CFAP221: variants seen among roughly 807,000 people sequenced by gnomAD.
CFAP221 encodes cilia and flagella associated protein 221, also known as cilia- and flagella-associated protein 221.
In CFAP221, 97 loss-of-function variants were observed where a neutral mutation model predicts 113.1. That is an observed-to-expected ratio of 0.86 (90% CI 0.73 to 1.02). The LOEUF is 1.02. CFAP221 is among the 50% of genes least tolerant of loss of function. The probability of loss-of-function intolerance (pLI) is 0.00; values close to 1 mark genes in which losing one functional copy is unlikely to be tolerated. For missense variants in CFAP221, 1,025 were observed against 1,013.4 expected, an observed-to-expected ratio of 1.01 and a Z score of -0.16; for synonymous variants, 331 against 354.4, an observed-to-expected ratio of 0.93 and a Z score of 0.74.
In CFAP221 at chr2:119,605,250, G is replaced by A. The variant is rs762827089; in HGVS notation, c.1094G>A (p.Arg365Lys). The stretch of plus-strand genomic sequence containing the variant: ...GAGGCACTCTTTGAACAGAAAGTCA[G>A]ACAGGACATTCACGAAGAGATGGAA... ...MKEALFEQKV[R>K]QDIHEEMENH... The change falls in exon 11 of 24, where the codon AGA becomes AAA. Residue 365 changes from arginine to lysine, a missense_variant. By Grantham distance (26) the Arg-to-Lys change is conservative (BLOSUM62 2). Transcript: ENST00000413369. 1 of 1,614,184 alleles carries A rather than the reference G, an allele frequency of 6.2e-7. No individual in the cohort carries two copies. Among genetic ancestry groups the A allele is most frequent in the Non-Finnish European group, 8.5e-7 (1 of 1,180,024 alleles).
At chr2:119,637,107 C>A (rs1434396567) in intron 19 of CFAP221, among the ~76,000 whole-genome samples, 2 of 152,338 alleles carry the variant, frequency 1.3e-5, no homozygotes, top group African/African-American at 4.8e-5. Context: ...TAAATCCTGC[C>A]TCAACCACAA....
intron 6 of CFAP221, among the ~76,000 whole-genome samples, chr2:119,569,692 T>G (rs1681909283): frequency 6.6e-6 from 1 of 152,178 alleles, no homozygotes; most frequent in Non-Finnish European, 1.5e-5. Context: ...TTTTTCAGTC[T>G]TTTTTCCTCT....
chr2:119,634,852 A>C (rs1230783821), intron 19 of CFAP221, among the ~76,000 whole-genome samples: 1 of 152,200 alleles, frequency 6.6e-6, no homozygotes. Context: ...AATAGGCATA[A>C]AGTTGCAGTC....
chr2:119,613,322 G>A (rs1685307651), intron 13 of CFAP221, among the ~76,000 whole-genome samples: 1 of 152,230 alleles, frequency 6.6e-6, no homozygotes, highest in Non-Finnish European at 1.5e-5. Context: ...GCTCCAGTAG[G>A]CAGTGCCCCA....
At chr2:119,658,434 C>T (rs538531429), downstream of CFAP221, among the ~76,000 whole-genome samples, 28 of 152,114 alleles carry the variant, frequency 1.8e-4, no homozygotes, top group Non-Finnish European at 3.2e-4. Context: ...ATCTTTCCCA[C>T]GTCAGCCCTG....
chr2:119,627,799 A>G lies in CFAP221; in HGVS notation c.1650+13A>G, dbSNP rs1439010777. ...CTCCAACGAGTTGGTAGGTGCCGTCAGGCTTGGGGGCGGGGAGTGGACATG... is the reference window on the plus strand; with the variant it reads ...CTCCAACGAGTTGGTAGGTGCCGTCGGGCTTGGGGGCGGGGAGTGGACATG... On this transcript the variant is annotated intron_variant, in intron 16 of 23. Coordinates refer to ENST00000413369, the MANE Select transcript of CFAP221 (RefSeq NM_001271049.2). 1 of 1,613,228 alleles carries G rather than the reference A, an allele frequency of 6.2e-7. No individual in the cohort carries two copies. The highest frequency in any genetic ancestry group is 1.1e-5 in the South Asian group (1 of 91,012).
At chr2:119,634,375 G>C (rs1314218770) in intron 19 of CFAP221, among the ~76,000 whole-genome samples, 2 of 152,178 alleles carry the variant, frequency 1.3e-5, no homozygotes, top group Non-Finnish European at 2.9e-5. Context: ...GCTGAGGTGG[G>C]AGGATCATTC....
intron 19 of CFAP221, among the ~76,000 whole-genome samples, chr2:119,635,816 G>C (rs1687077063): frequency 6.6e-6 from 1 of 152,190 alleles, no homozygotes; most frequent in African/African-American, 2.4e-5. Context: ...CAGTCTGGAG[G>C]AGGGAGGGTA....
rs1281522503 is a variant in CFAP221, at chr2:119,647,093, T to C, written c.2318+43T>C. On this transcript the variant is annotated intron_variant, in intron 22 of 23. Coordinates refer to ENST00000413369, the MANE Select transcript of CFAP221 (RefSeq NM_001271049.2). ...AATCTTTGGCCTCTAATGTGGTCTG[T>C]TTTCCAAAAATATGTGAGGTGCTGT... 2.0e-6 allele frequency: 3 copies of C among 1,524,042 alleles called. No individual in the cohort carries two copies. In the Admixed American group the frequency reaches 5.5e-5, roughly 28 times the overall value. The allele number at this position is 1,524,042 out of a possible 1,614,324, so 94.4% of individuals were successfully genotyped here.
At chr2:119,547,759 A>C (rs559388795) in intron 2 of CFAP221, among the ~76,000 whole-genome samples, 54 of 152,256 alleles carry the variant, frequency 3.5e-4, no homozygotes, top group Non-Finnish European at 6.3e-4. Context: ...GGTGAGAAGA[A>C]AAAAACATCA....
chr2:119,593,700 G>A (rs574285097), intron 7 of CFAP221, among the ~76,000 whole-genome samples: 7 of 152,244 alleles, frequency 4.6e-5, no homozygotes, highest in South Asian at 2.1e-4. Context: ...TTAGCCAGGC[G>A]TAGTGACGGG....
chr2:119,617,276 A>G (rs1329591548), intron 14 of CFAP221, among the ~76,000 whole-genome samples: 2 of 152,132 alleles, frequency 1.3e-5, no homozygotes, highest in African/African-American at 2.4e-5. Context: ...ACCCTCACCT[A>G]TTTACCAGCC....
chr2:119,659,163 C>T (rs983929695), downstream of CFAP221, among the ~76,000 whole-genome samples: 2 of 152,178 alleles, frequency 1.3e-5, no homozygotes, highest in African/African-American at 4.8e-5. Context: ...TTATGTGTTG[C>T]TTGGTGTATC....
intron 14 of CFAP221, among the ~76,000 whole-genome samples, chr2:119,619,907 G>A (rs972200443): frequency 2.0e-5 from 3 of 152,130 alleles, no homozygotes; most frequent in Non-Finnish European, 2.9e-5. Flanking sequence ...TAACCTGATA[G>A]AGCTGAAAAA....
chr2:119,590,514 G>A (rs2104627315), intron 7 of CFAP221, among the ~76,000 whole-genome samples: 1 of 152,258 alleles, frequency 6.6e-6, no homozygotes, highest in East Asian at 1.9e-4. Context: ...CCTGCTCTGG[G>A]CAGCCTGTCT....
chr2:119,582,725 GGATTACA>G (rs1336493019), intron 6 of CFAP221, among the ~76,000 whole-genome samples: 1 of 152,042 alleles, frequency 6.6e-6, no homozygotes, highest in East Asian at 1.9e-4. Context: ...CAAAGTGCTT[GGATTACA>G]GGCGTGAGCC....
intron 23 of CFAP221, among the ~76,000 whole-genome samples, chr2:119,652,291 C>T (rs556013685): frequency 6.6e-6 from 1 of 152,274 alleles, no homozygotes; most frequent in Non-Finnish European, 1.5e-5. Context: ...AATCAATTTT[C>T]CATGTGCTTA....
intron 7 of CFAP221, among the ~76,000 whole-genome samples, chr2:119,598,021 C>A (rs1684110875): frequency 6.6e-6 from 1 of 152,164 alleles, no homozygotes; most frequent in South Asian, 2.1e-4. Flanking sequence ...GCCTTAGGTT[C>A]CTTGTCTCCA....
chr2:119,630,616 A>T lies in CFAP221; in HGVS notation c.1778A>T (p.His593Leu), dbSNP rs752559914. 1.2e-6 allele frequency: 2 copies of T among 1,614,024 alleles called. No homozygotes were observed. Among genetic ancestry groups the T allele is most frequent in the Non-Finnish European group, 8.5e-7 (1 of 1,179,872 alleles). Residue 593 changes from histidine to leucine, a missense_variant, in exon 18 of 24, where the codon CAC (histidine) becomes CTC (leucine). Transcript: ENST00000413369. ...KIKRYQPFSV[H>L]KSSTSYRPQK... ...AAGAGATATCAGCCATTCTCTGTCC[A>T]CAAGTCTTCAACAAGTTACAGACCT...
Sources: allele counts gnomAD v4.1 joint callset (sites outside exome capture counted in the v4.1 genomes callset), GRCh38; gene constraint gnomAD v4.1.1; transcripts MANE v1.5; gene names NCBI Gene and HGNC (gene_info 2026-07-23, HGNC 2026-07-21).